Variants in EPB41L4A observed in about 807,000 individuals in gnomAD.
EPB41L4A encodes the protein band 4.1-like protein 4A.
EPB41L4A carries 100 observed loss-of-function variants against 108.6 expected under a neutral mutation model. That is an observed-to-expected ratio of 0.92 (90% confidence interval 0.78 to 1.09). The LOEUF (loss-of-function observed/expected upper bound fraction) is 1.09. EPB41L4A is among the 50% of genes least tolerant of loss of function. The pLI, the probability that EPB41L4A is intolerant of heterozygous loss-of-function variation, is 0.00. For missense variants in EPB41L4A, 1,030 were observed against 842.7 expected (o/e 1.22, Z -2.75); for synonymous variants, 319 against 289.0 (o/e 1.10, Z -1.05).
At chr5:112,204,581 T>G (rs1004132895) in intron 14 of EPB41L4A, 93 bp from the exon 15 acceptor site, 1 of 724,180 alleles carries the variant, frequency 1.4e-6, no homozygotes, top group African/African-American at 1.7e-5. Flanking sequence ...GCACAGCTGG[T>G]ACTTCCAGAG....
Position 112,195,854 on chromosome 5 carries a change from T to C in EPB41L4A, c.1377-146A>G, listed in dbSNP as rs576966202. ...AACATTTACGTCATATGTATATGCCTAACCCTACATACAACACGTCCCAGA... is the reference window on the plus strand; with the variant it reads ...AACATTTACGTCATATGTATATGCCCAACCCTACATACAACACGTCCCAGA... On this transcript the variant is annotated intron_variant, in intron 15 of 22. Transcript: ENST00000261486. 1.6e-4 allele frequency: 105 copies of C among 671,344 alleles called. 2 individuals carry two copies. The South Asian group carries it at 1.8e-3, about 12-fold the overall frequency. 41.6% of individuals were successfully genotyped at this position (671,344 alleles called of 1,614,324 possible).
Position 112,359,197 on chromosome 5 carries a change from C to G in EPB41L4A, c.100-51707G>C, listed in dbSNP as rs915036649. On this transcript the variant is annotated intron_variant, in intron 1 of 22. Coordinates refer to ENST00000261486, the MANE Select transcript of EPB41L4A (RefSeq NM_022140.5). Reference sequence around the variant, plus strand: ...TATATTCTACTTCAATAAAACTGTTCCTGAAAGATATTATGTATATGTACA... The same window carrying G: ...TATATTCTACTTCAATAAAACTGTTGCTGAAAGATATTATGTATATGTACA... 6.6e-5 allele frequency among the ~76,000 whole-genome samples: 10 copies of G among 152,090 alleles called. 1 individual carries two copies. Among genetic ancestry groups the G allele is most frequent in the African/African-American group, 2.4e-4 (10 of 41,408 alleles).
chr5:112,298,663 C>G (rs752266954), intron 2 of EPB41L4A, among the ~76,000 whole-genome samples: 14 of 151,904 alleles, frequency 9.2e-5, no homozygotes, highest in Non-Finnish European at 1.9e-4. Context: ...ATACTGACTT[C>G]ACAGAATGAT....
chr5:112,166,465 T>C (rs535120178), intron 22 of EPB41L4A, among the ~76,000 whole-genome samples: 1 of 152,254 alleles, frequency 6.6e-6, no homozygotes, highest in East Asian at 1.9e-4. Flanking sequence ...CCAGGCCCTC[T>C]CCAGAGTCAG....
Position 112,418,990 on chromosome 5 carries a change from A to G in EPB41L4A, c.50T>C (p.Leu17Pro), listed in dbSNP as rs544377230. 12 of 1,613,450 alleles carry G rather than the reference A, an allele frequency of 7.4e-6. No homozygotes were observed. Among genetic ancestry groups the G allele is most frequent in the African/African-American group, 1.3e-5 (1 of 74,848 alleles). ...AAGGGTTAACTTGGATTCATCCAGGAGCAAAACTTCGCAGTAAAATTCTTC... is the reference window on the plus strand; with the variant it reads ...AAGGGTTAACTTGGATTCATCCAGGGGCAAAACTTCGCAGTAAAATTCTTC... ...VPEEFYCEVLLLDESKLTLTT... is the reference protein window; with the variant it reads ...VPEEFYCEVLPLDESKLTLTT... Residue 17 changes from leucine to proline, a missense_variant, in exon 1 of 23, where the codon CTC becomes CCC. Physicochemically the swap from Leu to Pro is moderately conservative, Grantham distance 98. Coordinates refer to ENST00000261486, the MANE Select transcript of EPB41L4A (RefSeq NM_022140.5).
At chr5:112,312,249 A>G (rs1372979449) in intron 1 of EPB41L4A, among the ~76,000 whole-genome samples, 2 of 152,256 alleles carry the variant, frequency 1.3e-5, no homozygotes, top group African/African-American at 4.8e-5. Context: ...AGAGGAAGAA[A>G]TCATCAAATT....
intron 12 of EPB41L4A, among the ~76,000 whole-genome samples, chr5:112,149,252 G>A (rs1204940923): frequency 6.6e-6 from 1 of 152,142 alleles, no homozygotes; most frequent in Non-Finnish European, 1.5e-5. Flanking sequence ...TGAGACAGGA[G>A]GATCATTTGA....
chr5:112,335,551 G>A (rs1036792999), intron 1 of EPB41L4A, among the ~76,000 whole-genome samples: 4 of 151,998 alleles, frequency 2.6e-5, no homozygotes, highest in East Asian at 1.9e-4. Context: ...ACCAAATTAC[G>A]CCAGTCAGAC....
intron 1 of EPB41L4A, among the ~76,000 whole-genome samples, chr5:112,398,466 G>A (rs2112726641): frequency 6.6e-6 from 1 of 152,230 alleles, no homozygotes; most frequent in Non-Finnish European, 1.5e-5. Context: ...TCATCTCACT[G>A]CAACCTCTGC....
Position 112,329,628 on chromosome 5 carries a change from C to T in EPB41L4A, c.100-22138G>A, listed in dbSNP as rs114047487. Among the ~76,000 whole-genome samples, 1,418 of 152,274 alleles carry T rather than the reference C, an allele frequency of 9.3e-3. 25 individuals carry two copies. The highest frequency in any genetic ancestry group is 0.033 in the African/African-American group (1,353 of 41,528). ...TTCCGGTTCATGGCTCGTTTCACTGCACTACTGCACCATACACCCTTTCTG... is the reference window on the plus strand; with the variant it reads ...TTCCGGTTCATGGCTCGTTTCACTGTACTACTGCACCATACACCCTTTCTG... On this transcript the variant is annotated intron_variant, in intron 1 of 22. Transcript: ENST00000261486.
intron 22 of EPB41L4A, among the ~76,000 whole-genome samples, chr5:112,167,483 G>A (rs1179161100): frequency 6.6e-6 from 1 of 152,098 alleles, no homozygotes; most frequent in Non-Finnish European, 1.5e-5. Flanking sequence ...TAGCTGCTGG[G>A]AGTGTTGCCT....
At chr5:112,211,852 C>T (rs1319485109) in intron 12 of EPB41L4A, among the ~76,000 whole-genome samples, 1 of 152,140 alleles carries the variant, frequency 6.6e-6, no homozygotes, top group East Asian at 1.9e-4. Context: ...ACATGGGATT[C>T]CATATCTGAA....
At chr5:112,154,071 G>C (rs1044094840) in intron 12 of EPB41L4A, among the ~76,000 whole-genome samples, 1 of 152,148 alleles carries the variant, frequency 6.6e-6, no homozygotes, top group Non-Finnish European at 1.5e-5. Context: ...ATATTGGGAA[G>C]TACTGTAATA....
At chr5:112,219,480 T>C (rs769922817) in intron 12 of EPB41L4A, among the ~76,000 whole-genome samples, 3 of 152,180 alleles carry the variant, frequency 2.0e-5, no homozygotes, top group Non-Finnish European at 2.9e-5. Context: ...TATTTCTTCA[T>C]AGCAATGTGA....
chr5:112,176,700 C>T (rs182849588), intron 18 of EPB41L4A, among the ~76,000 whole-genome samples: 41 of 150,038 alleles, frequency 2.7e-4, no homozygotes, highest in African/African-American at 9.3e-4. Context: ...TTCCTGCTTC[C>T]TTTCTTCCTC....
At chr5:112,327,228 T>C (rs1275317472) in intron 1 of EPB41L4A, among the ~76,000 whole-genome samples, 1 of 152,174 alleles carries the variant, frequency 6.6e-6, no homozygotes, top group East Asian at 1.9e-4. Context: ...ACTAGGATGA[T>C]TAGAAAAGGC....
At position 112,418,960 on chromosome 5, in the gene EPB41L4A, G is replaced by T; in HGVS notation, c.80C>A (p.Thr27Asn). ...ACCCACCTTGATGCCCTGCTGCTGGGTGGTAAGGGTTAACTTGGATTCATC... is the reference window on the plus strand; with the variant it reads ...ACCCACCTTGATGCCCTGCTGCTGGTTGGTAAGGGTTAACTTGGATTCATC... The part of the protein sequence containing the change: ...LLDESKLTLT[T>N]QQQGIKKSTK... The change falls in exon 1 of 23, where the codon ACC (threonine) becomes AAC (asparagine). Residue 27 changes from threonine (T) to asparagine (N), a missense_variant. By Grantham distance (65) the Thr-to-Asn change is moderately conservative. Transcript: ENST00000261486. The T allele has an allele frequency of 8.1e-6, 13 of 1,613,260 alleles. No homozygotes were observed. The highest frequency in any genetic ancestry group is 1.1e-5 in the Non-Finnish European group (13 of 1,179,532).
At chr5:112,224,305 T>C (rs1748299097) in intron 12 of EPB41L4A, among the ~76,000 whole-genome samples, 1 of 152,148 alleles carries the variant, frequency 6.6e-6, no homozygotes, top group Non-Finnish European at 1.5e-5. Context: ...AAGTACTGTG[T>C]ATTTCCAATG....
At chr5:112,198,261 GACC>G (rs1335284031) in intron 15 of EPB41L4A, among the ~76,000 whole-genome samples, 4 of 152,108 alleles carry the variant, frequency 2.6e-5, no homozygotes, top group African/African-American at 7.2e-5. Flanking sequence ...TTGAACTTCT[GACC>G]TCAGGTGATC....
Sources: gnomAD v4.1 joint callset for allele counts (sites outside exome capture counted in the v4.1 genomes callset) on GRCh38, gnomAD v4.1.1 for gene constraint, MANE v1.5 for transcripts, NCBI Gene and HGNC (gene_info 2026-07-23, HGNC 2026-07-21) for gene names.